DNAJC13: variants seen among roughly 807,000 people sequenced by gnomAD.
The protein encoded by DNAJC13 is dnaJ homolog subfamily C member 13.
DNAJC13 carries 75 observed loss-of-function variants against 290.5 expected under a neutral mutation model. The observed-to-expected ratio is 0.26, with a 90% CI of 0.21 to 0.31. The LOEUF is 0.31. DNAJC13 is among the 10% of genes least tolerant of loss of function. The probability of loss-of-function intolerance (pLI) is 1.00; values close to 1 mark genes in which losing one functional copy is unlikely to be tolerated. For missense variants in DNAJC13, 2,260 were observed against 2,674.5 expected, an observed-to-expected ratio of 0.85 and a Z score of 3.42; for synonymous variants, 862 against 892.0, an observed-to-expected ratio of 0.97 and a Z score of 0.60.
At chr3:132,471,090 G>C (rs1190348210) in intron 20 of DNAJC13, among the ~76,000 whole-genome samples, 1 of 138,620 alleles carries the variant, frequency 7.2e-6, no homozygotes, top group African/African-American at 2.7e-5. Flanking sequence ...CTCCCTCCCG[G>C]ACGGGGCGGC....
In DNAJC13 at chr3:132,450,696, T is replaced by G; in HGVS notation, c.386T>G (p.Ile129Ser). 1 of 1,613,296 alleles carries G rather than the reference T, an allele frequency of 6.2e-7. No individual in the cohort carries two copies. The highest frequency in any genetic ancestry group is 8.5e-7 in the Non-Finnish European group (1 of 1,179,494). ...HHWSDSRKPV[I>S]LEVTPGGFDQ... Reference sequence around the variant, plus strand: ...TGGAGTGACTCAAGAAAACCTGTAATTTTGGAAGTAACTCCAGGAGGCTTT... The same window carrying G: ...TGGAGTGACTCAAGAAAACCTGTAAGTTTGGAAGTAACTCCAGGAGGCTTT... Residue 129 changes from isoleucine to serine, a missense_variant, in exon 6 of 56, where the codon ATT becomes AGT. Transcript: ENST00000260818.
intron 55 of DNAJC13, among the ~76,000 whole-genome samples, chr3:132,536,836 C>T (rs1936605728): frequency 6.6e-6 from 1 of 152,128 alleles, no homozygotes; most frequent in African/African-American, 2.4e-5. Flanking sequence ...TAGATGCAGG[C>T]TCCCACAGTA....
At chr3:132,528,114 G>A (rs1936313375) in intron 53 of DNAJC13, 75 bp from the exon 54 acceptor site, 3 of 1,567,336 alleles carry the variant, frequency 1.9e-6, no homozygotes, top group Admixed American at 3.4e-5. Flanking sequence ...GGTAGGTCCT[G>A]GGGGTAAAAT....
At chr3:132,473,067 C>T (rs1312668993) in intron 20 of DNAJC13, 78 bp from the exon 21 acceptor site, 11 of 894,572 alleles carry the variant, frequency 1.2e-5, no homozygotes, top group East Asian at 2.5e-5. Flanking sequence ...TTTCTCATCA[C>T]GTATAAATTG....
At chr3:132,437,780 G>T (rs1035028126) in intron 2 of DNAJC13, among the ~76,000 whole-genome samples, 1 of 151,986 alleles carries the variant, frequency 6.6e-6, no homozygotes, top group East Asian at 1.9e-4. Flanking sequence ...ATTATTTTGG[G>T]TATTCCTGGT....
chr3:132,488,892 TA>T, intron 30 of DNAJC13, 83 bp from the exon 31 acceptor site: 1 of 989,660 alleles, frequency 1.0e-6, no homozygotes, highest in Non-Finnish European at 1.5e-6. Context: ...TATTTAGCTA[TA>T]AAAGATCTAG....
intron 55 of DNAJC13, among the ~76,000 whole-genome samples, chr3:132,532,935 T>TTATTA (rs1936463462): frequency 6.7e-6 from 1 of 150,374 alleles, no homozygotes; most frequent in East Asian, 1.9e-4. Flanking sequence ...ATTATTATTA[T>TTATTA]TTTAGTAGAG....
intron 15 of DNAJC13, among the ~76,000 whole-genome samples, chr3:132,461,823 TG>T (rs1933808075): frequency 6.6e-6 from 1 of 152,252 alleles, no homozygotes; most frequent in South Asian, 2.1e-4. Context: ...GCTGAGTAGC[TG>T]GGACCACAGG....
At chr3:132,440,599 A>G (rs1933030111) in intron 2 of DNAJC13, among the ~76,000 whole-genome samples, 1 of 152,254 alleles carries the variant, frequency 6.6e-6, no homozygotes, top group African/African-American at 2.4e-5. Flanking sequence ...TAGGTACAGT[A>G]ACGTTGTACA....
At chr3:132,473,022 A>T in intron 20 of DNAJC13, 123 bp from the exon 21 acceptor site, 1 of 665,960 alleles carries the variant, frequency 1.5e-6, no homozygotes, top group Non-Finnish European at 2.6e-6. Context: ...TATTCCGTTA[A>T]TTTTTGTTTC....
At chr3:132,471,372 G>A (rs1934249721) in intron 20 of DNAJC13, among the ~76,000 whole-genome samples, 1 of 147,550 alleles carries the variant, frequency 6.8e-6, no homozygotes, top group African/African-American at 2.5e-5. Context: ...TCCCGGACGG[G>A]GTGGCTGCCG....
chr3:132,427,099 G>A (rs1939112346), intron 1 of DNAJC13, among the ~76,000 whole-genome samples: 1 of 140,722 alleles, frequency 7.1e-6, no homozygotes, highest in Non-Finnish European at 1.5e-5. Context: ...GTGTGTGTGT[G>A]TGTGCACGTG....
At position 132,492,428 on chromosome 3, in the gene DNAJC13, A is replaced by T; in HGVS notation, c.3638A>T (p.Glu1213Val). The T allele has an allele frequency of 6.2e-7, 1 of 1,613,832 alleles. No individual in the cohort carries two copies. The highest frequency in any genetic ancestry group is 8.5e-7 in the Non-Finnish European group (1 of 1,179,814). Reference sequence around the variant, plus strand: ...TATGATTGTAGGCGCCTGATGATAGAGAAGATTGCTGCCCATCTCGCGGAT... The same window carrying T: ...TATGATTGTAGGCGCCTGATGATAGTGAAGATTGCTGCCCATCTCGCGGAT... ...WSSEMRRLMI[E>V]KIAAHLADFT... Residue 1213 changes from glutamate to valine, a missense_variant, in exon 33 of 56, where the codon GAG becomes GTG. Physicochemically the swap from Glu to Val is moderately radical, Grantham distance 121 (BLOSUM62 -2). Coordinates refer to ENST00000260818, the MANE Select transcript of DNAJC13 (RefSeq NM_015268.4).
intron 6 of DNAJC13, among the ~76,000 whole-genome samples, chr3:132,451,479 C>T (rs1205425972): frequency 6.6e-6 from 1 of 152,014 alleles, no homozygotes; most frequent in East Asian, 1.9e-4. Flanking sequence ...TGGGGTATAA[C>T]AGAAGCTACT....
intron 8 of DNAJC13, among the ~76,000 whole-genome samples, 169 bp from the exon 9 acceptor site, chr3:132,453,896 AC>A (rs1261859391): frequency 2.0e-5 from 3 of 152,226 alleles, no homozygotes; most frequent in African/African-American, 7.2e-5. Flanking sequence ...AAAGAATGGA[AC>A]TTATTACTCA....
intron 5 of DNAJC13, among the ~76,000 whole-genome samples, chr3:132,449,871 T>C (rs564983010): frequency 6.6e-6 from 1 of 152,314 alleles, no homozygotes; most frequent in South Asian, 2.1e-4. Flanking sequence ...GTTATCCTTA[T>C]TTTCTCTTTG....
In DNAJC13 at chr3:132,511,165, G is replaced by C. The variant is rs770577581; in HGVS notation, c.5214G>C (p.Glu1738Asp). The C allele has an allele frequency of 6.2e-7, 1 of 1,613,958 alleles. No individual in the cohort carries two copies. Among genetic ancestry groups the C allele is most frequent in the Non-Finnish European group, 8.5e-7 (1 of 1,179,936 alleles). Reference protein sequence around the residue: ...FMAITHAAKVESEQHGDRLPR... With the variant: ...FMAITHAAKVDSEQHGDRLPR... ...CCATCACACACGCGGCAAAAGTGGA[G>C]TCAGAGCAACATGGAGATCGCTTAC... Residue 1738 changes from glutamate to aspartate, a missense_variant, in exon 44 of 56, where the codon GAG becomes GAC. Glu to Asp is a conservative substitution (Grantham distance 45, BLOSUM62 2). This residue lies in a region of DNAJC13 where 1,494 missense variants were observed against 1,693.7 expected (regional missense o/e 0.88). Coordinates refer to ENST00000260818, the MANE Select transcript of DNAJC13 (RefSeq NM_015268.4).
intron 48 of DNAJC13, among the ~76,000 whole-genome samples, chr3:132,520,808 A>G (rs767414881): frequency 3.3e-5 from 5 of 152,234 alleles, no homozygotes; most frequent in Non-Finnish European, 7.3e-5. Flanking sequence ...CAACTGGTCA[A>G]TAGATGATTT....
intron 2 of DNAJC13, among the ~76,000 whole-genome samples, chr3:132,439,342 G>A (rs2107654100): frequency 6.6e-6 from 1 of 152,146 alleles, no homozygotes; most frequent in South Asian, 2.1e-4. Flanking sequence ...TAGGAATGGA[G>A]TTCTACAAGA....
Sources: gnomAD v4.1 joint callset for allele counts (sites outside exome capture counted in the v4.1 genomes callset) on GRCh38, gnomAD v4.1.1 for gene constraint, gnomAD v4.1.1 regional missense constraint, MANE v1.5 for transcripts, NCBI Gene and HGNC (gene_info 2026-07-23, HGNC 2026-07-21) for gene names.